Variants in KDM4C observed in about 807,000 individuals in gnomAD.
KDM4C encodes lysine demethylase 4C, also known as lysine-specific demethylase 4C.
KDM4C carries 81 observed loss-of-function variants against 129.3 expected under a neutral mutation model. The ratio of observed to expected loss-of-function variants is 0.63; its 90% CI spans 0.52 to 0.75. KDM4C has a LOEUF of 0.75. Among genes scored for constraint, KDM4C ranks in the 30% least tolerant of loss-of-function variants. The pLI, the probability that KDM4C is intolerant of heterozygous loss-of-function variation, is 0.00. For missense variants in KDM4C, 1,457 were observed against 1,304.0 expected (o/e 1.12, Z -1.81); for synonymous variants, 573 against 456.1 (o/e 1.26, Z -3.26).
At chr9:6,933,038 T>C (rs1247126989) in intron 8 of KDM4C, among the ~76,000 whole-genome samples, 1 of 150,734 alleles carries the variant, frequency 6.6e-6, no homozygotes, top group Non-Finnish European at 1.5e-5. Flanking sequence ...GGGAGTTCAT[T>C]TGTACTTCAT....
At chr9:6,770,799 G>T (rs1359744053) in intron 1 of KDM4C, among the ~76,000 whole-genome samples, 2 of 120,996 alleles carry the variant, frequency 1.7e-5, no homozygotes, top group East Asian at 2.6e-4. Context: ...CTTTTGAGAT[G>T]GAATCTCGCT....
At chr9:7,009,988 T>A (rs1442118310) in intron 12 of KDM4C, among the ~76,000 whole-genome samples, 1 of 152,152 alleles carries the variant, frequency 6.6e-6, no homozygotes, top group Non-Finnish European at 1.5e-5. Flanking sequence ...ATACAAGACT[T>A]TTATCATTTA....
intron 1 of KDM4C, among the ~76,000 whole-genome samples, chr9:6,786,640 G>A (rs1825556791): frequency 6.6e-6 from 1 of 152,110 alleles, no homozygotes; most frequent in Non-Finnish European, 1.5e-5. Context: ...TTAAACTTCT[G>A]TTTCTTCTTG....
intron 9 of KDM4C, chr9:6,982,500 G>A (rs1043328007): frequency 6.6e-6 from 1 of 152,120 alleles, no homozygotes; most frequent in African/African-American, 2.4e-5. Flanking sequence ...ACATGTGTGA[G>A]TATGTGTGTA....
At chr9:6,976,891 G>C (rs972333759) in intron 8 of KDM4C, among the ~76,000 whole-genome samples, 1 of 151,822 alleles carries the variant, frequency 6.6e-6, no homozygotes, top group Admixed American at 6.6e-5. Context: ...CAGTATTTTA[G>C]ATCTAAAGGA....
intron 17 of KDM4C, among the ~76,000 whole-genome samples, chr9:7,080,842 A>G (rs1834442109): frequency 6.6e-6 from 1 of 152,234 alleles, no homozygotes; most frequent in African/African-American, 2.4e-5. Flanking sequence ...GTCTTCCAGA[A>G]TTCTTCTGGG....
intron 8 of KDM4C, among the ~76,000 whole-genome samples, chr9:6,904,982 A>T (rs1376434920): frequency 1.3e-5 from 2 of 151,172 alleles, no homozygotes; most frequent in African/African-American, 2.5e-5. Flanking sequence ...AAAAATCCTC[A>T]GCACAACAAA....
chr9:6,763,931 G>T (rs1361764269), intron 1 of KDM4C, among the ~76,000 whole-genome samples: 1 of 152,028 alleles, frequency 6.6e-6, no homozygotes, highest in Non-Finnish European at 1.5e-5. Flanking sequence ...CTAATTTTGT[G>T]TTTTTAGTAG....
intron 4 of KDM4C, chr9:6,819,112 G>C (rs535912048): frequency 6.6e-6 from 1 of 151,954 alleles, no homozygotes; most frequent in East Asian, 1.9e-4. Context: ...TAACCTTTTT[G>C]TTCCCTTATT....
At chr9:7,040,584 C>A (rs1450173614) in intron 15 of KDM4C, among the ~76,000 whole-genome samples, 2 of 151,864 alleles carry the variant, frequency 1.3e-5, no homozygotes, top group Non-Finnish European at 2.9e-5. Flanking sequence ...CTCCTGGGGA[C>A]AAATTCTGTT....
chr9:7,035,436 A>G (rs559926454), intron 15 of KDM4C, among the ~76,000 whole-genome samples: 3 of 144,638 alleles, frequency 2.1e-5, no homozygotes, highest in African/African-American at 7.6e-5. Flanking sequence ...CCCATTCTGT[A>G]GTTCTTCTTT....
At chr9:6,854,528 AAAAAAAAAAAAAAAAAAC>A (rs1839425746) in intron 5 of KDM4C, among the ~76,000 whole-genome samples, 1 of 144,882 alleles carries the variant, frequency 6.9e-6, no homozygotes, top group East Asian at 2.1e-4. Context: ...TCCGTCTCAA[AAAAAAAAAAAAAAAAAAC>A]AAAAAAAAAA....
intron 19 of KDM4C, among the ~76,000 whole-genome samples, chr9:7,156,945 G>A (rs576426051): frequency 1.3e-5 from 2 of 152,340 alleles, no homozygotes; most frequent in African/African-American, 4.8e-5. Context: ...ACCTTGGGCA[G>A]TGTAGCCATT....
At chr9:7,122,194 A>T (rs1411310713) in intron 18 of KDM4C, among the ~76,000 whole-genome samples, 1 of 151,554 alleles carries the variant, frequency 6.6e-6, no homozygotes, top group African/African-American at 2.4e-5. Context: ...GAAGCAGCTC[A>T]TCTTATATGG....
chr9:6,954,101 A>G (rs1828648842), intron 8 of KDM4C, among the ~76,000 whole-genome samples: 1 of 152,130 alleles, frequency 6.6e-6, no homozygotes, highest in African/African-American at 2.4e-5. Context: ...ACATCAAACC[A>G]GTCAGGCAGT....
In KDM4C at chr9:6,758,323, TG is replaced by T. The variant is rs1181797756; in HGVS notation, c.-18+124del. ...CGGGCGTCCGGGCGAGCGGCGACGCTGGGGCAGAGACGCTCCGTCCGTGACT... is the reference window on the plus strand; with the variant it reads ...CGGGCGTCCGGGCGAGCGGCGACGCTGGGCAGAGACGCTCCGTCCGTGACT... On this transcript the variant is annotated intron_variant, in intron 1 of 21. Transcript: ENST00000381309. The surrounding 1 kb of genome is among the most constrained non-coding windows in gnomAD (Gnocchi z 4.6). The T allele has an allele frequency of 3.9e-6, 2 of 516,424 alleles. No homozygotes were observed. Among genetic ancestry groups the T allele is most frequent in the Non-Finnish European group, 5.0e-6 (2 of 403,330 alleles). The allele number at this position is 516,424 out of a possible 1,614,324, so 32.0% of individuals were successfully genotyped here. A position where few individuals can be genotyped will look rare whatever the true frequency, so the allele number is the denominator to read the frequency against.
At chr9:6,766,684 C>T (rs956161642) in intron 1 of KDM4C, among the ~76,000 whole-genome samples, 3 of 151,864 alleles carry the variant, frequency 2.0e-5, no homozygotes, top group Non-Finnish European at 2.9e-5. Flanking sequence ...TAGAAAGTCT[C>T]GGTCCCTGGG....
intron 8 of KDM4C, among the ~76,000 whole-genome samples, chr9:6,910,939 T>A (rs1819185019): frequency 6.6e-6 from 1 of 152,200 alleles, no homozygotes; most frequent in Admixed American, 6.5e-5. Context: ...TAATACACGG[T>A]CATGGATTAA....
intron 3 of KDM4C, 80 bp from the exon 4 acceptor site, chr9:6,814,551 A>G: frequency 1.2e-6 from 1 of 829,904 alleles, no homozygotes; most frequent in East Asian, 2.6e-5. Flanking sequence ...TGTTTTAGAA[A>G]GTGATTTAAA....
Sources: allele counts gnomAD v4.1 joint callset (sites outside exome capture counted in the v4.1 genomes callset), GRCh38; gene constraint gnomAD v4.1.1; non-coding constraint Gnocchi (gnomAD v3.1); transcripts MANE v1.5; gene names NCBI Gene and HGNC (gene_info 2026-07-23, HGNC 2026-07-21).